The following ADARB2 variants were observed in gnomAD, a reference collection of about 807,000 sequenced individuals.
The protein encoded by ADARB2 is inactive double-stranded RNA-specific editase B2.
A neutral mutation model predicts 62.2 loss-of-function variants in ADARB2; 25 were observed. The observed-to-expected ratio is 0.40, with a 90% CI of 0.29 to 0.56. ADARB2 has a LOEUF of 0.56. ADARB2 is among the 20% of genes least tolerant of loss of function. ADARB2 has a pLI of 0.43. For synonymous variants in ADARB2, 572 were observed against 500.8 expected, an observed-to-expected ratio of 1.14 and a Z score of -1.90; for missense variants, 1,071 against 1,077.4, an observed-to-expected ratio of 0.99 and a Z score of 0.08.
intron 1 of ADARB2, among the ~76,000 whole-genome samples, chr10:1,505,689 C>T (rs1421161666): frequency 8.7e-6 from 1 of 114,768 alleles, no homozygotes; most frequent in Non-Finnish European, 2.1e-5. Flanking sequence ...TCTGCCACTT[C>T]CGTCCCCACC....
At position 1,346,978 on chromosome 10, in the gene ADARB2, T is replaced by C. The variant is rs150987730; in HGVS notation, c.1077+16050A>G. On this transcript the variant is annotated intron_variant, in intron 3 of 9. Transcript: ENST00000381312. ...GCAGCCCCCAGCATATGTGCCCATA[T>C]TGGATACATCATGTTGACCTATGGA... Among the ~76,000 whole-genome samples the C allele has an allele frequency of 2.9e-3, 436 of 152,394 alleles. 4 individuals carry two copies. The highest frequency in any genetic ancestry group is 9.8e-3 in the African/African-American group (406 of 41,596).
intron 3 of ADARB2, among the ~76,000 whole-genome samples, chr10:1,345,936 A>G (rs919511174): frequency 6.6e-6 from 1 of 152,196 alleles, no homozygotes; most frequent in Non-Finnish European, 1.5e-5. Context: ...AACACTTTTC[A>G]TTTTACTAAA....
intron 3 of ADARB2, among the ~76,000 whole-genome samples, chr10:1,324,439 G>A (rs192987006): frequency 6.6e-6 from 1 of 152,346 alleles, no homozygotes; most frequent in African/African-American, 2.4e-5. Context: ...TTGTAGTGAT[G>A]TTTATAGCAG....
intron 1 of ADARB2, among the ~76,000 whole-genome samples, chr10:1,594,159 G>C (rs138628017): frequency 6.6e-6 from 1 of 152,046 alleles, no homozygotes; most frequent in African/African-American, 2.4e-5. Flanking sequence ...GCATGGTGGC[G>C]GGCGCCTGTA....
At chr10:1,592,319 C>T (rs1833268379) in intron 1 of ADARB2, among the ~76,000 whole-genome samples, 2 of 145,316 alleles carry the variant, frequency 1.4e-5, no homozygotes, top group African/African-American at 5.0e-5. Context: ...CACCCAGCTT[C>T]CCTCGCCCAA....
intron 1 of ADARB2, among the ~76,000 whole-genome samples, chr10:1,449,635 T>A (rs938027634): frequency 5.0e-4 from 76 of 152,280 alleles, no homozygotes; most frequent in African/African-American, 1.7e-3. Flanking sequence ...TGAAATCTCA[T>A]GCAAATCCCT....
At chr10:1,705,396 G>A (rs1028658754) in intron 1 of ADARB2, among the ~76,000 whole-genome samples, 12 of 152,292 alleles carry the variant, frequency 7.9e-5, no homozygotes, top group Admixed American at 1.3e-4. Context: ...CTGGGGGACC[G>A]GAGAGGACGG....
At chr10:1,295,514 C>T (rs1542874) in intron 3 of ADARB2, among the ~76,000 whole-genome samples, 100,612 of 151,908 alleles carry the variant, frequency 0.66, 33,456 homozygotes, top group East Asian at 0.81. Flanking sequence ...AAGAGTACAA[C>T]GGACAGGGAG....
chr10:1,472,744 G>T (rs898120648), intron 1 of ADARB2, among the ~76,000 whole-genome samples: 1 of 152,160 alleles, frequency 6.6e-6, no homozygotes, highest in African/African-American at 2.4e-5. Flanking sequence ...TAATTTTAGC[G>T]ATGGGAGGGC....
chr10:1,609,421 G>C (rs1284934243), intron 1 of ADARB2, among the ~76,000 whole-genome samples: 1 of 152,208 alleles, frequency 6.6e-6, no homozygotes, highest in Non-Finnish European at 1.5e-5. Context: ...CCACCTGCCA[G>C]CCCTGTCTGC....
chr10:1,562,990 C>T (rs145540769), intron 1 of ADARB2, among the ~76,000 whole-genome samples: 17 of 152,370 alleles, frequency 1.1e-4, no homozygotes, highest in Admixed American at 3.9e-4. Flanking sequence ...GCTGAGCTCC[C>T]GCACCCTGTG....
intron 3 of ADARB2, among the ~76,000 whole-genome samples, chr10:1,316,373 G>A (rs571835760): frequency 6.6e-6 from 1 of 152,318 alleles, no homozygotes; most frequent in East Asian, 1.9e-4. Context: ...CCCATAACGT[G>A]GCCTTGTCGC....
chr10:1,606,891 T>C (rs1833501206), intron 1 of ADARB2, among the ~76,000 whole-genome samples: 1 of 152,216 alleles, frequency 6.6e-6, no homozygotes, highest in Non-Finnish European at 1.5e-5. Context: ...CCTGTGCTGT[T>C]GTGCCATTTT....
chr10:1,730,498 G>A (rs182446668), intron 1 of ADARB2, among the ~76,000 whole-genome samples: 1 of 152,230 alleles, frequency 6.6e-6, no homozygotes, highest in Non-Finnish European at 1.5e-5. Context: ...CTCTGCCTTG[G>A]AAGCAGCTCA....
chr10:1,530,580 G>T (rs1249651805), intron 1 of ADARB2, among the ~76,000 whole-genome samples: 1 of 152,176 alleles, frequency 6.6e-6, no homozygotes, highest in African/African-American at 2.4e-5. Flanking sequence ...GGGCTTTTCT[G>T]TTCATCAGCC....
At chr10:1,480,151 C>A (rs760836738) in intron 1 of ADARB2, among the ~76,000 whole-genome samples, 18 of 152,024 alleles carry the variant, frequency 1.2e-4, no homozygotes, top group Non-Finnish European at 2.4e-4. Context: ...AGATACTTTA[C>A]CACTTTTATT....
At chr10:1,309,802 C>A (rs1831667465) in intron 3 of ADARB2, among the ~76,000 whole-genome samples, 1 of 152,124 alleles carries the variant, frequency 6.6e-6, no homozygotes, top group African/African-American at 2.4e-5. Flanking sequence ...TGAAGCACTG[C>A]AACCTCTCCA....
chr10:1,707,806 G>T (rs1588360770), intron 1 of ADARB2, among the ~76,000 whole-genome samples: 1 of 152,206 alleles, frequency 6.6e-6, no homozygotes, highest in African/African-American at 2.4e-5. Context: ...TTTCCTGCAG[G>T]CAGCACAGAA....
At chr10:1,252,824 G>A (rs1223666093) in intron 4 of ADARB2, among the ~76,000 whole-genome samples, 1 of 152,142 alleles carries the variant, frequency 6.6e-6, no homozygotes, top group African/African-American at 2.4e-5. Flanking sequence ...TTTTGACAGG[G>A]GAGATTTTTC....
Sources: gnomAD v4.1 joint callset for allele counts (sites outside exome capture counted in the v4.1 genomes callset) on GRCh38, gnomAD v4.1.1 for gene constraint, MANE v1.5 for transcripts, NCBI Gene and HGNC (gene_info 2026-07-23, HGNC 2026-07-21) for gene names.